The following VPS13A variants were observed in gnomAD, a reference collection of about 807,000 sequenced individuals.
VPS13A encodes vacuolar protein sorting 13 homolog A.
A neutral mutation model predicts 390.9 loss-of-function variants in VPS13A; 264 were observed. The ratio of observed to expected loss-of-function variants is 0.68; its 90% CI spans 0.61 to 0.75. VPS13A has a LOEUF of 0.75. Among genes scored for constraint, VPS13A ranks in the 30% least tolerant of loss-of-function variants. The pLI, the probability that VPS13A is intolerant of heterozygous loss-of-function variation, is 0.00. For missense variants in VPS13A, 3,409 were observed against 3,733.9 expected (o/e 0.91, Z 2.27); for synonymous variants, 1,231 against 1,227.1 (o/e 1.00, Z -0.07).
intron 22 of VPS13A, among the ~76,000 whole-genome samples, chr9:77,258,594 G>T (rs1287115834): frequency 2.0e-5 from 3 of 152,044 alleles, no homozygotes; most frequent in African/African-American, 7.2e-5. Flanking sequence ...AGAGACAGAA[G>T]GAAAGAAAAC....
intron 67 of VPS13A, among the ~76,000 whole-genome samples, chr9:77,372,348 C>G (rs1209579522): frequency 6.6e-6 from 1 of 152,074 alleles, no homozygotes; most frequent in Non-Finnish European, 1.5e-5. Context: ...GCCATTCTAA[C>G]TGGTGTGAGA....
chr9:77,280,239 G>A lies in VPS13A; in HGVS notation c.2904+1G>A. ...CCTGTTAACGCTGGAATATGTAAAG[G>A]TAAGCAGTTTCATTTATATCTGCTT... On this transcript the variant is annotated splice_donor_variant, in intron 27 of 71. Coordinates refer to ENST00000360280, the MANE Select transcript of VPS13A (RefSeq NM_033305.3). LOFTEE classifies it high-confidence loss of function. The A allele has an allele frequency of 6.2e-7, 1 of 1,610,684 alleles. No individual in the cohort carries two copies. The highest frequency in any genetic ancestry group is 8.5e-7 in the Non-Finnish European group (1 of 1,177,474).
chr9:77,311,234 A>G (rs1829056602), intron 35 of VPS13A, among the ~76,000 whole-genome samples: 2 of 151,990 alleles, frequency 1.3e-5, no homozygotes, highest in Non-Finnish European at 2.9e-5. Context: ...CACTTTCACT[A>G]ATTAATATCA....
intron 32 of VPS13A, 65 bp from the exon 33 acceptor site, chr9:77,295,477 T>G: frequency 7.4e-7 from 1 of 1,343,260 alleles, no homozygotes; most frequent in Non-Finnish European, 9.9e-7. Context: ...ACCATAAATA[T>G]CAATATATAT....
intron 1 of VPS13A, among the ~76,000 whole-genome samples, chr9:77,179,841 G>T (rs1052438470): frequency 5.3e-5 from 8 of 152,054 alleles, no homozygotes; most frequent in African/African-American, 1.7e-4. Context: ...TAAATCGTAT[G>T]TCCATTAGGA....
chr9:77,396,457 A>G (rs1038368562), intron 68 of VPS13A, among the ~76,000 whole-genome samples: 1 of 152,128 alleles, frequency 6.6e-6, no homozygotes, highest in African/African-American at 2.4e-5. Flanking sequence ...GTAAGATTTT[A>G]TTTTTTTAAA....
At chr9:77,256,701 T>C (rs1825466255) in intron 22 of VPS13A, among the ~76,000 whole-genome samples, 1 of 152,224 alleles carries the variant, frequency 6.6e-6, no homozygotes. Flanking sequence ...ATAATTGTTA[T>C]GTCTTCTTGG....
chr9:77,388,263 A>T (rs533075507), intron 68 of VPS13A, among the ~76,000 whole-genome samples: 6 of 152,312 alleles, frequency 3.9e-5, no homozygotes, highest in East Asian at 3.9e-4. Context: ...TTAGTGAGTG[A>T]ATTTGTGAGT....
chr9:77,275,545 C>A lies in VPS13A; in HGVS notation c.2560C>A (p.Pro854Thr). 6.2e-7 allele frequency: 1 copy of A among 1,613,732 alleles called. No homozygotes were observed. Among genetic ancestry groups the A allele is most frequent in the Non-Finnish European group, 8.5e-7 (1 of 1,179,780 alleles). ...TGCACCATGTAGTCCCTTGGAAGAA[C>A]CTCTTCAGTTTCCAACTGGAGTTAA... The part of the protein sequence containing the change: ...FDAPCSPLEE[P>T]LQFPTGVKSI... The change falls in exon 25 of 72, where the codon CCT becomes ACT. Residue 854 changes from proline to threonine, a missense_variant. By Grantham distance (38) the Pro-to-Thr change is conservative. This residue lies in a region of VPS13A where 2,717 missense variants were observed against 2,917.4 expected (regional missense o/e 0.93). Coordinates refer to ENST00000360280, the MANE Select transcript of VPS13A (RefSeq NM_033305.3).
At chr9:77,278,673 CTG>C (rs568100287) in intron 26 of VPS13A, among the ~76,000 whole-genome samples, 8 of 152,090 alleles carry the variant, frequency 5.3e-5, no homozygotes, top group African/African-American at 9.7e-5. Flanking sequence ...TTGGAGAACT[CTG>C]TGCAATTTGT....
At chr9:77,335,756 T>C (rs1300415756) in intron 46 of VPS13A, among the ~76,000 whole-genome samples, 2 of 152,124 alleles carry the variant, frequency 1.3e-5, no homozygotes, top group African/African-American at 4.8e-5. Context: ...CTTTTGGTGG[T>C]AGTGTAAATT....
rs1462607299 is a variant in VPS13A, at chr9:77,370,309, A to C, written c.8720A>C (p.Lys2907Thr). The change falls in exon 64 of 72, where the codon AAG becomes ACG. Residue 2907 changes from lysine to threonine, a missense_variant. By Grantham distance (78) the Lys-to-Thr change is moderately conservative. Around this residue, in one of 5 missense-constraint regions of VPS13A, gnomAD observed 318 missense variants for 333.7 expected, o/e 0.95. Transcript: ENST00000360280. The part of the protein sequence containing the change: ...EFVEGMALGL[K>T]ALVGGAVGGL... ...GTGGAAGGAATGGCACTAGGACTTA[A>C]GGCACTAGTTGGTGGAGCTGTTGGT... 1.1e-5 allele frequency: 18 copies of C among 1,614,072 alleles called. No individual in the cohort carries two copies. The highest frequency in any genetic ancestry group is 1.7e-5 in the Admixed American group (1 of 59,998).
chr9:77,206,221 A>G, intron 5 of VPS13A, 142 bp downstream of exon 5: 1 of 695,328 alleles, frequency 1.4e-6, no homozygotes, highest in Non-Finnish European at 2.4e-6. Flanking sequence ...GGGAATTTTA[A>G]TGTGGTTTGT....
At chr9:77,300,594 T>C (rs757563328) in intron 33 of VPS13A, among the ~76,000 whole-genome samples, 7 of 152,146 alleles carry the variant, frequency 4.6e-5, no homozygotes, top group Non-Finnish European at 1.0e-4. Context: ...TAGCTGTGTG[T>C]GGTGGCATAT....
intron 26 of VPS13A, among the ~76,000 whole-genome samples, chr9:77,278,538 A>G (rs1826829630): frequency 6.6e-6 from 1 of 152,166 alleles, no homozygotes; most frequent in African/African-American, 2.4e-5. Flanking sequence ...TTCTTGCACA[A>G]AGTAAATGAT....
intron 23 of VPS13A, among the ~76,000 whole-genome samples, chr9:77,271,511 T>C (rs1826352935): frequency 6.6e-6 from 1 of 152,162 alleles, no homozygotes; most frequent in African/African-American, 2.4e-5. Flanking sequence ...TGAACTAGAA[T>C]ACTCACAGTA....
chr9:77,277,078 TTC>T (rs1826727819), intron 26 of VPS13A, among the ~76,000 whole-genome samples: 1 of 152,212 alleles, frequency 6.6e-6, no homozygotes, highest in Non-Finnish European at 1.5e-5. Context: ...TAAGAAACTA[TTC>T]TGTTTCCTAT....
Position 77,357,809 on chromosome 9 carries a change from T to A in VPS13A, c.7924T>A (p.Ser2642Thr), listed in dbSNP as rs770179945. ...ATATAACACATCTGCACATCAATCA[T>A]CATTTAGAATTCAGATTTACAGAAT... is the stretch of plus-strand genomic sequence containing the variant. ...VEYNTSAHQS[S>T]FRIQIYRIQI... Residue 2642 changes from serine to threonine, a missense_variant, in exon 56 of 72, where the codon TCA becomes ACA. This residue lies in a region of VPS13A where 221 missense variants were observed against 300.7 expected (regional missense o/e 0.73). Transcript: ENST00000360280. 6.2e-7 allele frequency: 1 copy of A among 1,613,582 alleles called. No individual in the cohort carries two copies. Among genetic ancestry groups the A allele is most frequent in the Non-Finnish European group, 8.5e-7 (1 of 1,179,844 alleles).
intron 67 of VPS13A, among the ~76,000 whole-genome samples, chr9:77,379,600 C>T (rs1833319689): frequency 1.3e-5 from 2 of 152,074 alleles, no homozygotes; most frequent in South Asian, 4.1e-4. Flanking sequence ...TCTTGAACTC[C>T]TGACCTCAAG....
Sources: allele counts gnomAD v4.1 joint callset (sites outside exome capture counted in the v4.1 genomes callset), GRCh38; gene constraint gnomAD v4.1.1; regional missense constraint gnomAD v4.1.1; transcripts MANE v1.5; gene names NCBI Gene and HGNC (gene_info 2026-07-23, HGNC 2026-07-21).